Variants in DISC1 observed in about 807,000 individuals in gnomAD.
DISC1 encodes the protein DISC1 scaffold protein, also known as disrupted in schizophrenia 1 protein.
In DISC1, 57 loss-of-function variants were observed where a neutral mutation model predicts 84.5. The observed-to-expected ratio is 0.67, with a 90% CI of 0.55 to 0.84. DISC1 has a LOEUF of 0.84. Among genes scored for constraint, DISC1 ranks in the 40% least tolerant of loss-of-function variants. DISC1 has a pLI of 0.00. For synonymous variants in DISC1, 411 were observed against 415.2 expected (o/e 0.99, Z 0.12); for missense variants, 1,000 against 1,057.8 (o/e 0.95, Z 0.76).
At chr1:231,970,537 A>G (rs892036450) in intron 10 of DISC1, among the ~76,000 whole-genome samples, 1 of 152,330 alleles carries the variant, frequency 6.6e-6, no homozygotes, top group Non-Finnish European at 1.5e-5. Context: ...TAGCACTACA[A>G]GGATGGAATC....
At chr1:231,691,145 C>T (rs1312030486) in intron 1 of DISC1, among the ~76,000 whole-genome samples, 1 of 152,070 alleles carries the variant, frequency 6.6e-6, no homozygotes, top group East Asian at 1.9e-4. Context: ...TACTCAGGGG[C>T]TGGGCGCGGT....
intron 3 of DISC1, among the ~76,000 whole-genome samples, chr1:231,709,359 C>T (rs978295496): frequency 2.0e-5 from 3 of 152,038 alleles, no homozygotes; most frequent in African/African-American, 2.4e-5. Flanking sequence ...TGTGATTTCA[C>T]GGTGATGCCT....
At chr1:231,969,023 A>C (rs1360370782) in intron 10 of DISC1, among the ~76,000 whole-genome samples, 1 of 152,166 alleles carries the variant, frequency 6.6e-6, no homozygotes, top group Non-Finnish European at 1.5e-5. Flanking sequence ...GGAAATTATG[A>C]AACCAAGAAA....
rs538424875 is a variant in DISC1, at chr1:231,734,493, T to C, written c.1118-15433T>C. On this transcript the variant is annotated intron_variant, in intron 3 of 12. Transcript: ENST00000439617. ...ATTGGCATCACGTGCTCTCTCTCTC[T>C]CTCTCTCACGCACACACACACACGC... Among the ~76,000 whole-genome samples the C allele has an allele frequency of 1.4e-4, 22 of 152,194 alleles. No individual in the cohort carries two copies. The East Asian group carries it at 3.9e-3, about 27-fold the overall frequency.
rs568376739 is a variant in DISC1 at position 231,780,711 on chromosome 1, G to A, written c.1634+9641G>A. 1.1e-4 allele frequency among the ~76,000 whole-genome samples: 10 copies of A among 94,540 alleles called. No homozygotes were observed. In the South Asian group the frequency reaches 2.7e-3, roughly 25 times the overall value. The allele number at this position is 94,540 out of a possible 152,430, so 62.0% of individuals were successfully genotyped here. On this transcript the variant is annotated intron_variant, in intron 6 of 12. Coordinates refer to ENST00000439617, the MANE Select transcript of DISC1 (RefSeq NM_018662.3). The stretch of plus-strand genomic sequence containing the variant: ...TGCTGCTATAAAGACACATGCACAC[G>A]TATGTTTATTGCGGCATTATTCACA...
intron 11 of DISC1, among the ~76,000 whole-genome samples, chr1:232,012,076 T>C (rs112053043): frequency 7.9e-5 from 12 of 152,180 alleles, no homozygotes; most frequent in African/African-American, 2.4e-4. Context: ...TAGAGGCTAA[T>C]TTGTGTTAAC....
At chr1:231,892,924 G>A (rs1571866497) in intron 9 of DISC1, among the ~76,000 whole-genome samples, 1 of 152,256 alleles carries the variant, frequency 6.6e-6, no homozygotes, top group African/African-American at 2.4e-5. Context: ...CACTTTGGGA[G>A]GCCGACTCAG....
intron 10 of DISC1, among the ~76,000 whole-genome samples, chr1:231,995,050 A>G (rs1325855758): frequency 1.3e-5 from 2 of 152,224 alleles, no homozygotes; most frequent in Middle Eastern, 3.2e-3. Context: ...GCATTGGAGA[A>G]GAAGACTAAA....
chr1:231,747,688 G>C (rs2074155003), intron 3 of DISC1, among the ~76,000 whole-genome samples: 1 of 152,080 alleles, frequency 6.6e-6, no homozygotes, highest in Non-Finnish European at 1.5e-5. Flanking sequence ...TTTGAGGTCT[G>C]GTAGTGTGAT....
chr1:231,735,794 T>C (rs1267184658), intron 3 of DISC1, among the ~76,000 whole-genome samples: 2 of 152,198 alleles, frequency 1.3e-5, no homozygotes, highest in Non-Finnish European at 2.9e-5. Context: ...TCATCCAAAC[T>C]GTAACACTCA....
intron 9 of DISC1, among the ~76,000 whole-genome samples, chr1:231,953,947 A>C (rs1157815681): frequency 6.6e-6 from 1 of 152,180 alleles, no homozygotes; most frequent in African/African-American, 2.4e-5. Context: ...CTCATTTCCC[A>C]TGCTATTTTC....
intron 3 of DISC1, among the ~76,000 whole-genome samples, chr1:231,711,920 C>T (rs983240121): frequency 2.6e-5 from 4 of 152,108 alleles, no homozygotes; most frequent in Non-Finnish European, 4.4e-5. Context: ...GTAAATGTTA[C>T]CATATTTGGA....
intron 9 of DISC1, among the ~76,000 whole-genome samples, chr1:231,869,044 G>A (rs1446290976): frequency 6.6e-6 from 1 of 152,068 alleles, no homozygotes; most frequent in Non-Finnish European, 1.5e-5. Context: ...CACGTTGCTG[G>A]ACCCATAATG....
rs536590093 is a variant in DISC1 at position 231,756,810 on chromosome 1, A to G, written c.1268+6734A>G. Among the ~76,000 whole-genome samples, 160 of 152,352 alleles carry G rather than the reference A, an allele frequency of 1.1e-3. 1 individual carries two copies. Among genetic ancestry groups the G allele is most frequent in the African/African-American group, 3.8e-3 (158 of 41,586 alleles). On this transcript the variant is annotated intron_variant, in intron 4 of 12. Transcript: ENST00000439617. ...AAATTAGATCACTGGTTTCTAAACT[A>G]AAGTTATTTATGTATTATTACCGTA...
rs532651762 is a variant in DISC1, at chr1:231,882,297, C to A, written c.1981+63780C>A. Among the ~76,000 whole-genome samples the A allele has an allele frequency of 7.2e-5, 11 of 152,230 alleles. 1 individual carries two copies. The highest frequency in any genetic ancestry group is 2.6e-4 in the African/African-American group (11 of 41,542). ...GAGAAACGGCCAGGTAAAGAAGCAT[C>A]CTTCTTTCAGCTGGAACACGGCGAT... On this transcript the variant is annotated intron_variant, in intron 9 of 12. Transcript: ENST00000439617.
intron 8 of DISC1, among the ~76,000 whole-genome samples, chr1:231,802,014 T>C (rs1014458078): frequency 1.3e-5 from 2 of 152,064 alleles, no homozygotes; most frequent in Non-Finnish European, 2.9e-5. Context: ...GAGACGGGGT[T>C]TCACTGTGTT....
At chr1:231,676,376 C>T (rs77173485) in intron 1 of DISC1, among the ~76,000 whole-genome samples, 5,183 of 152,256 alleles carry the variant, frequency 0.034, 121 homozygotes, top group Middle Eastern at 0.071. Flanking sequence ...TTCCCAGCTA[C>T]GAATCCACCT....
chr1:231,940,524 T>G (rs1441650020), intron 9 of DISC1, among the ~76,000 whole-genome samples: 32 of 152,214 alleles, frequency 2.1e-4, no homozygotes. Flanking sequence ...CATCTTATGC[T>G]TCCCGACATT....
intron 4 of DISC1, among the ~76,000 whole-genome samples, chr1:231,756,243 C>T (rs2075099461): frequency 6.6e-6 from 1 of 152,224 alleles, no homozygotes; most frequent in Admixed American, 6.5e-5. Flanking sequence ...AAGCTCTGCT[C>T]ATCAGTCACA....
Sources: gnomAD v4.1 joint callset for allele counts (sites outside exome capture counted in the v4.1 genomes callset) on GRCh38, gnomAD v4.1.1 for gene constraint, MANE v1.5 for transcripts, NCBI Gene and HGNC (gene_info 2026-07-23, HGNC 2026-07-21) for gene names.